Variants in DNAH5 observed in about 807,000 individuals in gnomAD.
DNAH5 encodes dynein axonemal heavy chain 5.
In DNAH5, 372 loss-of-function variants were observed where a neutral mutation model predicts 518.2. The ratio of observed to expected loss-of-function variants is 0.72; its 90% confidence interval spans 0.66 to 0.78. DNAH5 has a LOEUF of 0.78. DNAH5 is among the 30% of genes least tolerant of loss of function. The pLI is 0.00. For missense variants in DNAH5, 5,523 were observed against 5,687.0 expected (o/e 0.97, Z 0.93); for synonymous variants, 2,039 against 2,025.9 (o/e 1.01, Z -0.17).
At position 13,737,436 on chromosome 5, in the gene DNAH5, C is replaced by T. The variant is rs775501934; in HGVS notation, c.11271G>A (p.Met3757Ile). The T allele has an allele frequency of 7.4e-6, 12 of 1,614,040 alleles. No homozygotes were observed. In the Admixed American group the frequency reaches 1.0e-4, roughly 13 times the overall value. Residue 3757 changes from methionine (M) to isoleucine (I), a missense_variant, in exon 66 of 79, where the codon ATG becomes ATA. Transcript: ENST00000265104. ...AAAGCAAGTTATCTTCTAGTTCCTT[C>T]ATCCTTCTTTTGTTTGCAGTTACAT... Reference protein sequence around the residue: ...MEDVTANKRRMKELEDNLLYR... With the variant: ...MEDVTANKRRIKELEDNLLYR...
intron 1 of DNAH5, among the ~76,000 whole-genome samples, chr5:14,009,971 A>C (rs1561081032): frequency 6.6e-6 from 1 of 152,230 alleles, no homozygotes; most frequent in African/African-American, 2.4e-5. Context: ...TAGAAATGTT[A>C]AAAATAAAGA....
At chr5:14,001,214 G>A (rs1023504570) in intron 1 of DNAH5, among the ~76,000 whole-genome samples, 3 of 152,102 alleles carry the variant, frequency 2.0e-5, no homozygotes, top group Non-Finnish European at 2.9e-5. Context: ...CTGGGTGAAG[G>A]ATTCATTCAC....
chr5:13,879,092 T>A (rs905200924), intron 21 of DNAH5, among the ~76,000 whole-genome samples: 10 of 152,160 alleles, frequency 6.6e-5, no homozygotes, highest in African/African-American at 2.4e-4. Flanking sequence ...GTCGAAATAG[T>A]GAGATCCTCC....
chr5:13,995,732 T>C (rs958425189), intron 1 of DNAH5, among the ~76,000 whole-genome samples: 1 of 152,190 alleles, frequency 6.6e-6, no homozygotes, highest in Non-Finnish European at 1.5e-5. Context: ...GATATAGATA[T>C]ATAGGTGTGT....
rs2151919068 is a variant in DNAH5, at chr5:13,870,977, A to G, written c.3624T>C (p.Ala1208=). ...YTADLKFALT[A]ETKAWMVVIG... is the part of the protein sequence containing the mutation. ...TGACAACCATCCAGGCCTTTGTCTC[A>G]GCAGTCAGGGCGAACTTCAAGTCAG... Residue 1208 remains alanine, a synonymous_variant, in exon 24 of 79, where the codon GCT becomes GCC. Transcript: ENST00000265104. 6.2e-7 allele frequency: 1 copy of G among 1,613,584 alleles called. No individual in the cohort carries two copies.
At chr5:13,925,370 G>C (rs1475578141) in intron 3 of DNAH5, among the ~76,000 whole-genome samples, 1 of 152,230 alleles carries the variant, frequency 6.6e-6, no homozygotes, top group Non-Finnish European at 1.5e-5. Context: ...AAAGGGTCAA[G>C]AGCGTGTAGA....
At chr5:13,953,949 C>A (rs538585379) in intron 1 of DNAH5, among the ~76,000 whole-genome samples, 3 of 152,250 alleles carry the variant, frequency 2.0e-5, no homozygotes, top group African/African-American at 7.2e-5. Flanking sequence ...CTCATGTGAT[C>A]CACCCACCTC....
intron 60 of DNAH5, among the ~76,000 whole-genome samples, chr5:13,759,977 T>C (rs1033996359): frequency 2.0e-5 from 3 of 152,324 alleles, no homozygotes; most frequent in Non-Finnish European, 4.4e-5. Flanking sequence ...AGTTCCATAA[T>C]TGACTAGATC....
intron 61 of DNAH5, among the ~76,000 whole-genome samples, chr5:13,755,142 A>T (rs1175618118): frequency 6.6e-6 from 1 of 152,062 alleles, no homozygotes; most frequent in Non-Finnish European, 1.5e-5. Context: ...CAAAAAACAA[A>T]TGGCTCTGTT....
intron 38 of DNAH5, among the ~76,000 whole-genome samples, chr5:13,827,983 G>A (rs963696339): frequency 6.6e-6 from 1 of 152,212 alleles, no homozygotes; most frequent in East Asian, 1.9e-4. Context: ...TCCCAGCCAT[G>A]CTGAAGTGTG....
At chr5:13,852,049 C>A (rs982568313) in intron 30 of DNAH5, among the ~76,000 whole-genome samples, 1 of 152,088 alleles carries the variant, frequency 6.6e-6, no homozygotes, top group African/African-American at 2.4e-5. Context: ...GGCCCAGATA[C>A]TATGCTTTCC....
chr5:13,886,135 C>CAAAAAAAAAA lies in DNAH5; in HGVS notation c.2578-16_2578-7dup. 2 of 1,341,098 alleles carry CAAAAAAAAAA rather than the reference C, an allele frequency of 1.5e-6. No individual in the cohort carries two copies. The highest frequency in any genetic ancestry group is 1.4e-5 in the South Asian group (1 of 69,348). 83.1% of individuals were successfully genotyped at this position (1,341,098 alleles called of 1,614,324 possible). On this transcript the variant is annotated splice_polypyrimidine_tract_variant and splice_region_variant and intron_variant, in intron 17 of 78. Coordinates refer to ENST00000265104, the MANE Select transcript of DNAH5 (RefSeq NM_001369.3). ...GCACCATTTACACAAAGATCCTAAC[C>CAAAAAAAAAA]AAAAAAAAAAAAAAAAAAAGATAGC...
intron 47 of DNAH5, among the ~76,000 whole-genome samples, chr5:13,794,379 CAA>C (rs979257886): frequency 1.3e-5 from 2 of 152,198 alleles, no homozygotes; most frequent in Non-Finnish European, 2.9e-5. Context: ...CCCCATTATT[CAA>C]AGTCTTGCTA....
intron 55 of DNAH5, 152 bp from the exon 56 acceptor site, chr5:13,771,132 C>T (rs1331886165): frequency 3.0e-6 from 2 of 658,382 alleles, no homozygotes; most frequent in African/African-American, 1.8e-5. Context: ...ATTTTTGGCC[C>T]CAGGCCTATA....
chr5:13,768,797 A>G (rs1314164858), intron 58 of DNAH5, among the ~76,000 whole-genome samples, 163 bp downstream of exon 58: 2 of 152,248 alleles, frequency 1.3e-5, no homozygotes, highest in Non-Finnish European at 2.9e-5. Flanking sequence ...AAACCTATAA[A>G]GAGCTAATAA....
At position 13,777,157 on chromosome 5, in the gene DNAH5, G is replaced by T. The variant is rs202149256; in HGVS notation, c.9105+45C>A. On this transcript the variant is annotated intron_variant, in intron 54 of 78. Transcript: ENST00000265104. ...AAACATGTAGAGCTCTAAGCTGGAG[G>T]AAATCTGAAGGGATAAAACACATAA... The T allele has an allele frequency of 3.8e-6, 6 of 1,583,050 alleles. No individual in the cohort carries two copies. In the African/African-American group the frequency reaches 4.0e-5, roughly 11 times the overall value.
rs767772562 is a variant in DNAH5, at chr5:13,914,541, T to G, written c.1299A>C (p.Leu433=). 1.8e-5 allele frequency: 29 copies of G among 1,613,204 alleles called. No individual in the cohort carries two copies. Among genetic ancestry groups the G allele is most frequent in the Middle Eastern group, 3.3e-4 (2 of 6,020 alleles). Residue 433 remains leucine, a synonymous_variant, in exon 10 of 79, where the codon CTA becomes CTC. Coordinates refer to ENST00000265104, the MANE Select transcript of DNAH5 (RefSeq NM_001369.3). The stretch of plus-strand genomic sequence containing the variant: ...TTACCTGTTTCAGTTTAATCGCAGA[T>G]AGTATTTTTTCTTCAACAACATCCT... ...QPQDVVEEKI[L]SAIKLKQEYQ...
chr5:13,859,739 G>C lies in DNAH5; in HGVS notation c.4797-134C>G. ...TAATTATGTTGCTGGCTTTTAAAGT[G>C]ATGCAACCAAGTGATTAATTCATCC... On this transcript the variant is annotated intron_variant, in intron 29 of 78. Transcript: ENST00000265104. The C allele has an allele frequency of 3.7e-6, 3 of 820,030 alleles. No homozygotes were observed. The South Asian group carries it at 4.6e-5, about 13-fold the overall frequency. The allele number at this position is 820,030 out of a possible 1,614,324, so 50.8% of individuals were successfully genotyped here.
Position 13,811,795 on chromosome 5 carries a change from T to C in DNAH5, c.7259A>G (p.Glu2420Gly), listed in dbSNP as rs766941857. ...GTACAGCTGACGAAGAATTTCTGCT[T>C]CTTGAGGTGAGCGTTTCTTAAGAAA... The part of the protein sequence containing the change: ...EGFLKKRSPQ[E>G]AEILRQLYTE... Residue 2420 changes from glutamate (E) to glycine (G), a missense_variant, in exon 44 of 79, where the codon GAA becomes GGA. By Grantham distance (98) the Glu-to-Gly change is moderately conservative (BLOSUM62 -2). Coordinates refer to ENST00000265104, the MANE Select transcript of DNAH5 (RefSeq NM_001369.3). 1 of 1,614,158 alleles carries C rather than the reference T, an allele frequency of 6.2e-7. No homozygotes were observed. The highest frequency in any genetic ancestry group is 1.1e-5 in the South Asian group (1 of 91,078).
Sources: gnomAD v4.1 joint callset for allele counts (sites outside exome capture counted in the v4.1 genomes callset) on GRCh38, gnomAD v4.1.1 for gene constraint, MANE v1.5 for transcripts, NCBI Gene and HGNC (gene_info 2026-07-23, HGNC 2026-07-21) for gene names.